The following RRM1 variants were observed in gnomAD, a reference collection of about 807,000 sequenced individuals.
The protein encoded by RRM1 is ribonucleotide reductase catalytic subunit M1, also known as ribonucleoside-diphosphate reductase large subunit.
A neutral mutation model predicts 101.5 loss-of-function variants in RRM1; 19 were observed. The observed-to-expected ratio is 0.19, with a 90% CI of 0.13 to 0.27. The LOEUF (loss-of-function observed/expected upper bound fraction) is 0.27, where lower values mean the gene tolerates loss of function less well. RRM1 is among the 10% of genes least tolerant of loss of function. RRM1 has a pLI of 1.00. For missense variants in RRM1, 500 were observed against 962.9 expected (o/e 0.52, Z 6.36); for synonymous variants, 298 against 323.4 (o/e 0.92, Z 0.84).
chr11:4,105,962 C>A, intron 2 of RRM1, 84 bp from the exon 3 acceptor site: 1 of 1,139,440 alleles, frequency 8.8e-7, no homozygotes, highest in Non-Finnish European at 1.3e-6. Context: ...CCACACCTGG[C>A]CATGATGGTT....
chr11:4,129,860 G>A (rs1590731572), intron 15 of RRM1, among the ~76,000 whole-genome samples: 1 of 151,368 alleles, frequency 6.6e-6, no homozygotes, highest in East Asian at 1.9e-4. Context: ...AATTAAAATT[G>A]TTTTCCTACT....
intron 1 of RRM1, among the ~76,000 whole-genome samples, chr11:4,095,983 C>T (rs2094543075): frequency 6.6e-6 from 1 of 152,160 alleles, no homozygotes; most frequent in Non-Finnish European, 1.5e-5. Flanking sequence ...ACTGGTTAAT[C>T]GACTGGTTGT....
At chr11:4,116,130 A>AT (rs2094572926) in intron 7 of RRM1, 1 of 152,154 alleles carries the variant, frequency 6.6e-6, no homozygotes. Flanking sequence ...ATGCTGGGTG[A>AT]GGAGTGGTCA....
chr11:4,107,659 C>A, intron 4 of RRM1, 124 bp downstream of exon 4: 1 of 619,710 alleles, frequency 1.6e-6, no homozygotes, highest in South Asian at 2.1e-5. Flanking sequence ...TACCCTGATT[C>A]CTGATTTTCC....
In RRM1 at chr11:4,106,050, A is replaced by G. The variant is rs780128999; in HGVS notation, c.113A>G (p.Gln38Arg). The G allele has an allele frequency of 6.2e-7, 1 of 1,610,286 alleles. No individual in the cohort carries two copies. The highest frequency in any genetic ancestry group is 1.3e-5 in the African/African-American group (1 of 74,844). ...GLNMDFVDPAQITMKVIQGLY... is the reference protein window; with the variant it reads ...GLNMDFVDPARITMKVIQGLY... Reference sequence around the variant, plus strand: ...TTCTTGGTTTTATTTTTGTAGGCTCAGATCACCATGAAAGTAATCCAAGGC... The same window carrying G: ...TTCTTGGTTTTATTTTTGTAGGCTCGGATCACCATGAAAGTAATCCAAGGC... The change falls in exon 3 of 19, where the codon CAG (glutamine) becomes CGG (arginine). Residue 38 changes from glutamine (Q) to arginine (R), a missense_variant. By Grantham distance (43) the Gln-to-Arg change is conservative. Coordinates refer to ENST00000300738, the MANE Select transcript of RRM1 (RefSeq NM_001033.5).
At chr11:4,101,889 A>G (rs11030937) in intron 1 of RRM1, 104 bp from the exon 2 acceptor site, 6 of 669,482 alleles carry the variant, frequency 9.0e-6, no homozygotes, top group African/African-American at 1.8e-5. Flanking sequence ...ATAGCACTTC[A>G]TGTTGGTCAA....
chr11:4,117,059 T>C (rs904171092), intron 7 of RRM1, among the ~76,000 whole-genome samples: 1 of 152,056 alleles, frequency 6.6e-6, no homozygotes, highest in African/African-American at 2.4e-5. Flanking sequence ...AGAAGAAACT[T>C]GATTGGCTAA....
At position 4,132,844 on chromosome 11, in the gene RRM1, G is replaced by T. The variant is rs2094602686; in HGVS notation, c.1905+423G>T. On this transcript the variant is annotated intron_variant, in intron 16 of 18. Coordinates refer to ENST00000300738, the MANE Select transcript of RRM1 (RefSeq NM_001033.5). The surrounding 1 kb of genome is among the most constrained non-coding windows in gnomAD (Gnocchi z 4.1). ...CCAGTGGTTTTTTCTTTGTTTTTAA[G>T]GTTCCCAGGTAATTCTTATGTGTAG... Among the ~76,000 whole-genome samples the T allele has an allele frequency of 6.6e-6, 1 of 151,766 alleles. No individual in the cohort carries two copies. Among genetic ancestry groups the T allele is most frequent in the African/African-American group, 2.4e-5 (1 of 41,312 alleles).
At chr11:4,130,066 T>TTTTATATA (rs1554976191) in intron 15 of RRM1, among the ~76,000 whole-genome samples, 1 of 32,972 alleles carries the variant, frequency 3.0e-5, no homozygotes, top group African/African-American at 1.0e-4. Flanking sequence ...TGTACTGTAT[T>TTTTATATA]TATATATATA....
intron 18 of RRM1, 29 bp from the exon 19 acceptor site, chr11:4,138,166 C>T (rs2094617422): frequency 1.5e-6 from 2 of 1,310,922 alleles, no homozygotes; most frequent in Admixed American, 4.1e-5. Context: ...CAGAGTTTCT[C>T]CTAATAATTG....
intron 7 of RRM1, among the ~76,000 whole-genome samples, chr11:4,114,429 G>A (rs1248731698): frequency 6.7e-6 from 1 of 149,616 alleles, no homozygotes; most frequent in East Asian, 2.1e-4. Context: ...GCAGGCGCCT[G>A]TAATCCACTA....
intron 9 of RRM1, 160 bp downstream of exon 9, chr11:4,120,088 A>G (rs2094579331): frequency 5.6e-6 from 3 of 535,424 alleles, no homozygotes; most frequent in Non-Finnish European, 1.0e-5. Context: ...TATACTTTAA[A>G]TGTACAGTTT....
intron 8 of RRM1, among the ~76,000 whole-genome samples, chr11:4,119,447 T>C (rs572673710): frequency 1.3e-5 from 2 of 152,362 alleles, no homozygotes; most frequent in South Asian, 2.1e-4. Flanking sequence ...ATAATTCTTA[T>C]TGTAAATTGC....
At chr11:4,126,633 G>T (rs2094590016) in intron 12 of RRM1, 51 bp from the exon 13 acceptor site, 1 of 1,556,772 alleles carries the variant, frequency 6.4e-7, no homozygotes. Context: ...AATTGACACA[G>T]GAAGTAGAAA....
chr11:4,125,578 A>G lies in RRM1; in HGVS notation c.1321-1106A>G, dbSNP rs146538591. ...TTAATTTTCTTGCTTTTTCTCAAAC[A>G]TGTCAACCATGCTCCTACCTCAGGA... On this transcript the variant is annotated intron_variant, in intron 12 of 18. Coordinates refer to ENST00000300738, the MANE Select transcript of RRM1 (RefSeq NM_001033.5). 6.5e-3 allele frequency among the ~76,000 whole-genome samples: 993 copies of G among 152,256 alleles called. 4 individuals are homozygous for G. Among genetic ancestry groups the G allele is most frequent in the African/African-American group, 0.022 (919 of 41,540 alleles).
intron 2 of RRM1, chr11:4,105,578 C>CATT (rs2094557131): frequency 4.1e-6 from 1 of 243,996 alleles, no homozygotes; most frequent in Non-Finnish European, 7.2e-6. Flanking sequence ...TTTTTCTTTC[C>CATT]TTTTTTTTTT....
At chr11:4,122,708 A>G (rs2094583560) in intron 11 of RRM1, among the ~76,000 whole-genome samples, 1 of 152,132 alleles carries the variant, frequency 6.6e-6, no homozygotes, top group African/African-American at 2.4e-5. Context: ...CCCTGTCTCT[A>G]GTAAAAATAC....
intron 4 of RRM1, among the ~76,000 whole-genome samples, chr11:4,108,351 C>A (rs1168869793): frequency 6.6e-6 from 1 of 152,106 alleles, no homozygotes; most frequent in Admixed American, 6.6e-5. Flanking sequence ...GTAATCCCAG[C>A]ACTTTGAGAG....
chr11:4,130,086 A>ATATATATATATATATTTT (rs1202870487), intron 15 of RRM1, among the ~76,000 whole-genome samples: 3 of 99,484 alleles, frequency 3.0e-5, no homozygotes, highest in African/African-American at 1.6e-4. Flanking sequence ...ATATATATAT[A>ATATATATATATATATTTT]TTTTTTTTTT....
Sources: allele counts gnomAD v4.1 joint callset (sites outside exome capture counted in the v4.1 genomes callset), GRCh38; gene constraint gnomAD v4.1.1; non-coding constraint Gnocchi (gnomAD v3.1); transcripts MANE v1.5; gene names NCBI Gene and HGNC (gene_info 2026-07-23, HGNC 2026-07-21).